Variants in SNX31 observed in about 807,000 individuals in gnomAD.
SNX31 encodes sorting nexin-31.
SNX31 carries 58 observed loss-of-function variants against 65.4 expected under a neutral mutation model. The observed-to-expected ratio is 0.89, with a 90% CI of 0.72 to 1.10. SNX31 has a LOEUF of 1.10. Ranked by LOEUF, SNX31 falls within the 50% of genes least tolerant of loss-of-function variation. The pLI is 0.00. For synonymous variants in SNX31, 181 were observed against 190.1 expected (o/e 0.95, Z 0.39); for missense variants, 523 against 529.7 (o/e 0.99, Z 0.12).
At chr8:100,654,054 G>A (rs184764161), upstream of SNX31, among the ~76,000 whole-genome samples, 253 of 152,282 alleles carry the variant, frequency 1.7e-3, 1 homozygote, top group Admixed American at 3.9e-3. Flanking sequence ...TGCCCAGGTT[G>A]GAGTGGAGTG....
intron 2 of SNX31, among the ~76,000 whole-genome samples, chr8:100,639,106 T>G (rs1214823180): frequency 6.6e-6 from 1 of 152,180 alleles, no homozygotes. Flanking sequence ...AAAACTAGTC[T>G]ATGTGAAACT....
Position 100,604,370 on chromosome 8 carries a change from A to C in SNX31, c.682-3929T>G, listed in dbSNP as rs918293012. Among the ~76,000 whole-genome samples, 7 of 152,260 alleles carry C rather than the reference A, an allele frequency of 4.6e-5. No homozygotes were observed. The highest frequency in any genetic ancestry group is 1.0e-4 in the Non-Finnish European group (7 of 68,048). ...CGCTCTAGTGTCCTCTGCAGAGGGC[A>C]CAGTAGTGAGAAATAGAGGTCATAT... On this transcript the variant is annotated intron_variant, in intron 8 of 13. Coordinates refer to ENST00000311812, the MANE Select transcript of SNX31 (RefSeq NM_152628.4). This position sits in a 1 kb window ranked among gnomAD's most constrained non-coding sequence, Gnocchi z 4.3.
In SNX31 at chr8:100,596,638, C is replaced by A. The variant is rs781049543; in HGVS notation, c.978+1G>T. The stretch of plus-strand genomic sequence containing the variant: ...GCAAAGCAAGGTGCCAAGATACTCA[C>A]AAGGAAAGTGACCTGCCAGCACTTC... On this transcript the variant is annotated splice_donor_variant, in intron 10 of 13. Transcript: ENST00000311812. LOFTEE classifies it high-confidence loss of function. 7 of 1,613,828 alleles carry A rather than the reference C, an allele frequency of 4.3e-6. No homozygotes were observed. The highest frequency in any genetic ancestry group is 1.7e-5 in the Admixed American group (1 of 60,002).
At chr8:100,650,107 G>A (rs1252650590), upstream of SNX31, among the ~76,000 whole-genome samples, 11 of 152,152 alleles carry the variant, frequency 7.2e-5, no homozygotes, top group East Asian at 3.8e-4. Context: ...TGATCCCTGA[G>A]AAGCCCTCAT....
chr8:100,584,045 G>T, intron 12 of SNX31, 66 bp downstream of exon 12: 1 of 1,440,228 alleles, frequency 6.9e-7, no homozygotes, highest in Non-Finnish European at 9.6e-7. Context: ...AGTGTAGTTT[G>T]GTCTCCAACT....
intron 4 of SNX31, among the ~76,000 whole-genome samples, chr8:100,624,055 A>C (rs1817884299): frequency 6.6e-6 from 1 of 152,102 alleles, no homozygotes; most frequent in Admixed American, 6.6e-5. Flanking sequence ...CTCAGGACTT[A>C]ATTTTTTAAA....
chr8:100,607,446 C>T (rs922615185), intron 8 of SNX31, among the ~76,000 whole-genome samples: 3 of 152,166 alleles, frequency 2.0e-5, no homozygotes, highest in Non-Finnish European at 2.9e-5. Context: ...TCGAAATTTA[C>T]TTTATTAGAG....
chr8:100,637,840 T>G (rs1818885044), intron 2 of SNX31, among the ~76,000 whole-genome samples: 1 of 151,988 alleles, frequency 6.6e-6, no homozygotes, highest in African/African-American at 2.4e-5. Context: ...GGACTACAGG[T>G]GTGTGCCACC....
intron 4 of SNX31, among the ~76,000 whole-genome samples, chr8:100,620,452 T>G (rs777401487): frequency 2.6e-5 from 4 of 152,204 alleles, no homozygotes; most frequent in Admixed American, 6.5e-5. Context: ...GACTTTACAT[T>G]TTAATTCCTC....
At chr8:100,615,160 T>C (rs919936968) in intron 5 of SNX31, among the ~76,000 whole-genome samples, 3 of 152,194 alleles carry the variant, frequency 2.0e-5, no homozygotes, top group Non-Finnish European at 4.4e-5. Context: ...GATCTGATGA[T>C]GTCAACGTCT....
Position 100,614,739 on chromosome 8 carries a change from G to T in SNX31, c.433-1654C>A, listed in dbSNP as rs752458352. 6.6e-6 allele frequency among the ~76,000 whole-genome samples: 1 copy of T among 152,148 alleles called. No individual in the cohort carries two copies. On this transcript the variant is annotated intron_variant, in intron 5 of 13. Transcript: ENST00000311812. The surrounding 1 kb of genome is among the most constrained non-coding windows in gnomAD (Gnocchi z 5.1). Reference sequence around the variant, plus strand: ...AAAAAAAAATACAAAAATTAGCTGGGTATGGTGGCACGTGCTTGTAATCCC... The same window carrying T: ...AAAAAAAAATACAAAAATTAGCTGGTTATGGTGGCACGTGCTTGTAATCCC...
chr8:100,583,712 C>T (rs1372294477), intron 12 of SNX31, among the ~76,000 whole-genome samples: 2 of 152,164 alleles, frequency 1.3e-5, no homozygotes, highest in African/African-American at 4.8e-5. Context: ...GCTATGGATT[C>T]TTTCTAGAGA....
At position 100,612,073 on chromosome 8, in the gene SNX31, C is replaced by A; in HGVS notation, c.538G>T (p.Ala180Ser). 1 of 1,613,898 alleles carries A rather than the reference C, an allele frequency of 6.2e-7. No individual in the cohort carries two copies. The highest frequency in any genetic ancestry group is 8.5e-7 in the Non-Finnish European group (1 of 1,179,848). ...EGKLSVVKKL[A>S]DFELPYVSLG... is the part of the protein sequence containing the mutation. ...CTAACATAAGGGAGTTCAAAGTCAG[C>A]CAATTTTTTCACAACTAGAGAAAGG... Residue 180 changes from alanine to serine, a missense_variant, in exon 7 of 14, where the codon GCT becomes TCT. Transcript: ENST00000311812. This position sits in a 1 kb window ranked among gnomAD's most constrained non-coding sequence, Gnocchi z 4.3.
At chr8:100,619,286 G>T (rs1817507362) in intron 4 of SNX31, 1 of 152,210 alleles carries the variant, frequency 6.6e-6, no homozygotes, top group Non-Finnish European at 1.5e-5. Flanking sequence ...AGTAATTTAT[G>T]ATTTTGCTAT....
chr8:100,622,671 A>C lies in SNX31; in HGVS notation c.322-4941T>G. Among the ~76,000 whole-genome samples the C allele has an allele frequency of 6.8e-6, 1 of 146,600 alleles. No individual in the cohort carries two copies. The highest frequency in any genetic ancestry group is 2.1e-4 in the South Asian group (1 of 4,798). Reference sequence around the variant, plus strand: ...CTCTCAAAAAATAAATAAGTAAATAAATAAATAAATAAATAAATAAATAAA... The same window carrying C: ...CTCTCAAAAAATAAATAAGTAAATACATAAATAAATAAATAAATAAATAAA... On this transcript the variant is annotated intron_variant, in intron 4 of 13. Coordinates refer to ENST00000311812, the MANE Select transcript of SNX31 (RefSeq NM_152628.4). This position sits in a 1 kb window ranked among gnomAD's most constrained non-coding sequence, Gnocchi z 5.0.
chr8:100,621,913 T>C (rs1442319481), intron 4 of SNX31, among the ~76,000 whole-genome samples: 1 of 152,198 alleles, frequency 6.6e-6, no homozygotes, highest in Non-Finnish European at 1.5e-5. Flanking sequence ...GTCCTCGCCT[T>C]CAGCTGGGGC....
chr8:100,629,732 T>C lies in SNX31; in HGVS notation c.321+595A>G, dbSNP rs1818292425. Among the ~76,000 whole-genome samples the C allele has an allele frequency of 6.6e-6, 1 of 152,226 alleles. No individual in the cohort carries two copies. Among genetic ancestry groups the C allele is most frequent in the Admixed American group, 6.5e-5 (1 of 15,282 alleles). ...TCCTTATGTGTCATTAGAATGAGTG[T>C]TGTGCTAAACAAACGTACTTAGCAG... On this transcript the variant is annotated intron_variant, in intron 4 of 13. Coordinates refer to ENST00000311812, the MANE Select transcript of SNX31 (RefSeq NM_152628.4). The surrounding 1 kb of genome is among the most constrained non-coding windows in gnomAD (Gnocchi z 5.1).
upstream of SNX31, among the ~76,000 whole-genome samples, chr8:100,653,783 G>C (rs948332545): frequency 3.3e-5 from 5 of 152,230 alleles, no homozygotes; most frequent in African/African-American, 1.2e-4. Context: ...AGAGAGCAGA[G>C]GGCTGAGCCC....
At chr8:100,649,733 T>A (rs11785670), upstream of SNX31, 1 of 455,728 alleles carries the variant, frequency 2.2e-6, no homozygotes, top group Non-Finnish European at 3.9e-6. Flanking sequence ...GCCGCTCTGG[T>A]CCCGGGATAG....
Sources: allele counts gnomAD v4.1 joint callset (sites outside exome capture counted in the v4.1 genomes callset), GRCh38; gene constraint gnomAD v4.1.1; non-coding constraint Gnocchi (gnomAD v3.1); transcripts MANE v1.5; gene names NCBI Gene and HGNC (gene_info 2026-07-23, HGNC 2026-07-21).